PPP2R5A: variants seen among roughly 807,000 people sequenced by gnomAD.
The protein encoded by PPP2R5A is serine/threonine-protein phosphatase 2A 56 kDa regulatory subunit alpha isoform.
PPP2R5A carries 25 observed loss-of-function variants against 64.2 expected under a neutral mutation model. That is an observed-to-expected ratio of 0.39 (90% CI 0.28 to 0.54). The LOEUF (loss-of-function observed/expected upper bound fraction) is 0.54, where lower values mean the gene tolerates loss of function less well. Among genes scored for constraint, PPP2R5A ranks in the 20% least tolerant of loss-of-function variants. The pLI is 0.67. For synonymous variants in PPP2R5A, 198 were observed against 201.2 expected, an observed-to-expected ratio of 0.98 and a Z score of 0.13; for missense variants, 425 against 576.3, an observed-to-expected ratio of 0.74 and a Z score of 2.69.
intron 1 of PPP2R5A, among the ~76,000 whole-genome samples, chr1:212,324,925 C>G (rs1284082469): frequency 6.6e-6 from 1 of 152,050 alleles, no homozygotes; most frequent in East Asian, 1.9e-4. Flanking sequence ...TTAAACATAG[C>G]CATGTTGTAA....
intron 1 of PPP2R5A, chr1:212,301,792 A>G (rs1658803307): frequency 9.0e-7 from 1 of 1,106,474 alleles, no homozygotes; most frequent in Non-Finnish European, 1.1e-6. Context: ...CTGTAGTGGT[A>G]TTGCTGGGTT....
chr1:212,303,279 A>C (rs975484534), intron 1 of PPP2R5A, among the ~76,000 whole-genome samples: 12 of 152,182 alleles, frequency 7.9e-5, no homozygotes, highest in African/African-American at 2.9e-4. Flanking sequence ...GATTATAGCC[A>C]TCCTAATGGA....
chr1:212,343,559 A>G (rs139979040), intron 4 of PPP2R5A, among the ~76,000 whole-genome samples: 59 of 152,338 alleles, frequency 3.9e-4, no homozygotes, highest in African/African-American at 1.3e-3. Flanking sequence ...AATGAAGAAC[A>G]TTGTCAGCCT....
intron 1 of PPP2R5A, among the ~76,000 whole-genome samples, chr1:212,327,306 G>A (rs1659422769): frequency 6.6e-6 from 1 of 152,160 alleles, no homozygotes; most frequent in Non-Finnish European, 1.5e-5. Context: ...ATGAAAGTTC[G>A]GAAGTGAAGT....
chr1:212,302,158 GAC>G (rs1658809595), intron 1 of PPP2R5A: 1 of 1,388,190 alleles, frequency 7.2e-7, no homozygotes, highest in South Asian at 1.3e-5. Context: ...AATGAATAGA[GAC>G]TAGATTTTCT....
At chr1:212,304,698 G>T (rs556032486) in intron 1 of PPP2R5A, among the ~76,000 whole-genome samples, 5 of 150,454 alleles carry the variant, frequency 3.3e-5, no homozygotes, top group Admixed American at 3.3e-4. Flanking sequence ...AAGTAACTGA[G>T]CTTACAGGTA....
intron 8 of PPP2R5A, among the ~76,000 whole-genome samples, chr1:212,354,561 G>A (rs376996883): frequency 5.9e-5 from 9 of 152,040 alleles, no homozygotes; most frequent in Non-Finnish European, 7.4e-5. Flanking sequence ...GCATACACCC[G>A]TAGTCCCAGC....
rs4951587 is a variant in PPP2R5A, at chr1:212,320,152, C to G, written c.182-8983C>G. Among the ~76,000 whole-genome samples, 237 of 151,226 alleles carry G rather than the reference C, an allele frequency of 1.6e-3. 4 individuals carry two copies. In the East Asian group the frequency reaches 0.041, roughly 26 times the overall value. On this transcript the variant is annotated intron_variant, in intron 1 of 12. Transcript: ENST00000261461. ...ATTAGGGAGTGGTGATGACTCTTAA[C>G]GAGCATGCTGCCTTCAAGCATCTGT...
At chr1:212,328,747 G>A (rs531496954) in intron 1 of PPP2R5A, among the ~76,000 whole-genome samples, 23 of 152,172 alleles carry the variant, frequency 1.5e-4, no homozygotes, top group Non-Finnish European at 3.1e-4. Flanking sequence ...AAATGGCAGC[G>A]GGAATGACAA....
intron 1 of PPP2R5A, among the ~76,000 whole-genome samples, chr1:212,322,049 G>C (rs1366406199): frequency 1.3e-5 from 2 of 151,414 alleles, no homozygotes; most frequent in Non-Finnish European, 3.0e-5. Flanking sequence ...CCAGTCAGGC[G>C]TGGCGGCGCG....
Position 212,329,497 on chromosome 1 carries a change from A to G in PPP2R5A, c.378+166A>G, listed in dbSNP as rs553405064. On this transcript the variant is annotated intron_variant, in intron 2 of 12. Coordinates refer to ENST00000261461, the MANE Select transcript of PPP2R5A (RefSeq NM_006243.4). ...TTCCAATGATACCATCATTGCATAT[A>G]CAAGTTTGGGAATTGAGAGTCATAG... Among the ~76,000 whole-genome samples the G allele has an allele frequency of 1.2e-4, 18 of 152,308 alleles. No individual in the cohort carries two copies. The South Asian group carries it at 1.7e-3, about 14-fold the overall frequency.
intron 1 of PPP2R5A, among the ~76,000 whole-genome samples, chr1:212,306,075 A>G (rs1658894435): frequency 6.6e-6 from 1 of 152,180 alleles, no homozygotes; most frequent in Non-Finnish European, 1.5e-5. Context: ...TTTATTCCTG[A>G]TGCAAGTCCT....
At chr1:212,313,689 AC>A (rs1659083310) in intron 1 of PPP2R5A, 1 of 151,800 alleles carries the variant, frequency 6.6e-6, no homozygotes, top group Non-Finnish European at 1.5e-5. Flanking sequence ...AAAAAAAAAA[AC>A]ACCAACCGTA....
At position 212,295,121 on chromosome 1, in the gene PPP2R5A, C is replaced by T. The variant is rs186190664; in HGVS notation, c.181+8830C>T. On this transcript the variant is annotated intron_variant, in intron 1 of 12. Coordinates refer to ENST00000261461, the MANE Select transcript of PPP2R5A (RefSeq NM_006243.4). ...TGCTATGTTGAAGAATGGATGTAGG[C>T]AATTTATTGCATTCATACCTGCCAG... Among the ~76,000 whole-genome samples the T allele has an allele frequency of 4.4e-3, 674 of 152,070 alleles. 12 individuals carry two copies. Among genetic ancestry groups the T allele is most frequent in the Non-Finnish European group, 6.1e-3 (414 of 67,982 alleles).
intron 8 of PPP2R5A, 52 bp from the exon 9 acceptor site, chr1:212,356,574 G>A (rs549168081): frequency 2.9e-5 from 44 of 1,527,998 alleles, no homozygotes; most frequent in Non-Finnish European, 3.7e-5. Context: ...AAATACGCTG[G>A]GATTAACTAG....
rs1658711879 is a variant in PPP2R5A, at chr1:212,297,131, TTTTTTTTG to T, written c.181+10841_181+10848del. 2.5e-4 allele frequency among the ~76,000 whole-genome samples: 3 copies of T among 11,832 alleles called. 1 individual carries two copies. Among genetic ancestry groups the T allele is most frequent in the African/African-American group, 1.9e-3 (3 of 1,612 alleles). 7.8% of individuals were successfully genotyped at this position (11,832 alleles called of 152,430 possible). On this transcript the variant is annotated intron_variant, in intron 1 of 12. Transcript: ENST00000261461. Reference sequence around the variant, plus strand: ...TTTTTTTTTTTTTTTTTTTTTTTTTTTTTTTTTGGAGACGGAGTCTCACTCTATCGCCC... The same window carrying T: ...TTTTTTTTTTTTTTTTTTTTTTTTTTGAGACGGAGTCTCACTCTATCGCCC...
intron 4 of PPP2R5A, among the ~76,000 whole-genome samples, chr1:212,344,779 G>C (rs527948889): frequency 6.6e-6 from 1 of 152,262 alleles, no homozygotes; most frequent in Non-Finnish European, 1.5e-5. Context: ...AAGTTGTGCA[G>C]AATATAGGAG....
rs559567009 is a variant in PPP2R5A at position 212,321,972 on chromosome 1, G to A, written c.182-7163G>A. ...AGGCCCAGGCTGGCGGATCACTCGCGGTTAGGAGCTGGAGACCAGCCCGGC... is the reference window on the plus strand; with the variant it reads ...AGGCCCAGGCTGGCGGATCACTCGCAGTTAGGAGCTGGAGACCAGCCCGGC... On this transcript the variant is annotated intron_variant, in intron 1 of 12. Transcript: ENST00000261461. 3.1e-3 allele frequency among the ~76,000 whole-genome samples: 478 copies of A among 152,018 alleles called. 4 individuals are homozygous for A. The highest frequency in any genetic ancestry group is 0.011 in the African/African-American group (456 of 41,404).
chr1:212,315,560 T>G (rs545300330), intron 1 of PPP2R5A, among the ~76,000 whole-genome samples: 1 of 152,352 alleles, frequency 6.6e-6, no homozygotes, highest in African/African-American at 2.4e-5. Flanking sequence ...TCCTAAAGAT[T>G]CTAATTTACT....
Sources: allele counts gnomAD v4.1 joint callset (sites outside exome capture counted in the v4.1 genomes callset), GRCh38; gene constraint gnomAD v4.1.1; transcripts MANE v1.5; gene names NCBI Gene and HGNC (gene_info 2026-07-23, HGNC 2026-07-21).